NEDD4: variants seen among roughly 807,000 people sequenced by gnomAD.
The protein encoded by NEDD4 is E3 ubiquitin-protein ligase NEDD4.
In NEDD4, 99 loss-of-function variants were observed where a neutral mutation model predicts 144.9. The observed-to-expected ratio is 0.68, with a 90% CI of 0.58 to 0.81. The LOEUF is 0.81. NEDD4 is among the 30% of genes least tolerant of loss of function. NEDD4 has a pLI of 0.00. For missense variants in NEDD4, 985 were observed against 1,065.9 expected, an observed-to-expected ratio of 0.92 and a Z score of 1.06; for synonymous variants, 318 against 350.6, an observed-to-expected ratio of 0.91 and a Z score of 1.04.
chr15:55,922,545 TACAG>T (rs1208011484), intron 5 of NEDD4, among the ~76,000 whole-genome samples: 3 of 152,090 alleles, frequency 2.0e-5, no homozygotes, highest in Admixed American at 1.3e-4. Context: ...GTATTTTTAT[TACAG>T]ACAGAGTTTC....
At chr15:55,908,288 T>TA (rs1157910374) in intron 5 of NEDD4, among the ~76,000 whole-genome samples, 31 of 152,358 alleles carry the variant, frequency 2.0e-4, no homozygotes. Flanking sequence ...AAGATTTGCT[T>TA]AATCCATTCT....
At chr15:55,866,725 G>T (rs2142049679) in intron 8 of NEDD4, among the ~76,000 whole-genome samples, 1 of 152,162 alleles carries the variant, frequency 6.6e-6, no homozygotes, top group South Asian at 2.1e-4. Context: ...GGAAGAGAAA[G>T]AACAAAAATT....
intron 5 of NEDD4, chr15:55,916,972 T>C: frequency 6.4e-6 from 9 of 1,407,494 alleles, no homozygotes; most frequent in Non-Finnish European, 8.3e-6. Flanking sequence ...GTAGTCTTTA[T>C]CCTAAGTAAA....
At chr15:55,893,380 G>A (rs1387353793) in intron 5 of NEDD4, among the ~76,000 whole-genome samples, 4 of 151,900 alleles carry the variant, frequency 2.6e-5, no homozygotes, top group South Asian at 4.2e-4. Context: ...TGTTCAAGCC[G>A]TTATTAATCA....
intron 5 of NEDD4, among the ~76,000 whole-genome samples, chr15:55,897,132 C>A (rs2035764187): frequency 6.6e-6 from 1 of 152,098 alleles, no homozygotes; most frequent in Non-Finnish European, 1.5e-5. Flanking sequence ...CGCCACCATG[C>A]CTGGCTAATT....
intron 11 of NEDD4, among the ~76,000 whole-genome samples, chr15:55,858,884 C>G (rs1360094159): frequency 1.3e-5 from 2 of 152,084 alleles, no homozygotes. Context: ...CAGATGATGT[C>G]GTGTGAAAGC....
rs1308253836 is a variant in NEDD4 at position 55,828,210 on chromosome 15, G to A, written c.*1687C>T. Reference sequence around the variant, plus strand: ...GTCACATTTCAGATTTCTATCAGGTGCTAATGAGTACTCATCATGTTATAC... The same window carrying A: ...GTCACATTTCAGATTTCTATCAGGTACTAATGAGTACTCATCATGTTATAC... On this transcript the variant is annotated 3_prime_UTR_variant, in exon 29 of 29. Transcript: ENST00000435532. The A allele has an allele frequency of 2.0e-5, 3 of 152,138 alleles. No homozygotes were observed. The highest frequency in any genetic ancestry group is 7.2e-5 in the African/African-American group (3 of 41,438). 9.4% of individuals were successfully genotyped at this position (152,138 alleles called of 1,614,324 possible).
In NEDD4 at chr15:55,916,687, T is replaced by C. The variant is rs769606361; in HGVS notation, c.291+7959A>G. 8.1e-6 allele frequency: 13 copies of C among 1,613,960 alleles called. No homozygotes were observed. In the South Asian group the frequency reaches 1.4e-4, roughly 18 times the overall value. ...GCAGTCTGTCTGGGAGTCAGCTTCA[T>C]TTGAACAACGTTAGACGTTGAAATC... On this transcript the variant is annotated intron_variant, in intron 5 of 28. Transcript: ENST00000435532.
chr15:55,947,207 A>G (rs961925054), intron 4 of NEDD4, among the ~76,000 whole-genome samples: 11 of 152,222 alleles, frequency 7.2e-5, no homozygotes, highest in Admixed American at 3.3e-4. Context: ...CAAAAAATCA[A>G]TGAATCCAGG....
chr15:55,916,009 T>C (rs1267613285), intron 5 of NEDD4: 11 of 1,613,306 alleles, frequency 6.8e-6, no homozygotes, highest in Admixed American at 1.7e-5. Flanking sequence ...GGTCGGGTAG[T>C]TGAAGGACTC....
intron 2 of NEDD4, among the ~76,000 whole-genome samples, chr15:55,964,375 T>G (rs570506136): frequency 6.6e-6 from 1 of 152,140 alleles, no homozygotes; most frequent in Non-Finnish European, 1.5e-5. Flanking sequence ...TCTACTGATC[T>G]ATCTTTAAGT....
intron 1 of NEDD4, among the ~76,000 whole-genome samples, chr15:55,969,728 G>A (rs1318361348): frequency 6.6e-6 from 1 of 152,028 alleles, no homozygotes; most frequent in African/African-American, 2.4e-5. Flanking sequence ...GCTGACTAAA[G>A]AGCTCTTGGG....
chr15:55,914,261 GT>G (rs1300492796), intron 5 of NEDD4, among the ~76,000 whole-genome samples: 8 of 151,264 alleles, frequency 5.3e-5, no homozygotes, highest in South Asian at 4.2e-4. Flanking sequence ...ACAGATTAAG[GT>G]TTTTTCCCCC....
At chr15:55,851,598 T>C (rs1350572504) in intron 13 of NEDD4, among the ~76,000 whole-genome samples, 1 of 152,084 alleles carries the variant, frequency 6.6e-6, no homozygotes, top group Non-Finnish European at 1.5e-5. Context: ...TGCCTCAGCC[T>C]CCTAAGTAGA....
chr15:55,901,687 C>T (rs2035918939), intron 5 of NEDD4, among the ~76,000 whole-genome samples: 1 of 152,094 alleles, frequency 6.6e-6, no homozygotes, highest in Non-Finnish European at 1.5e-5. Context: ...TTTCCCATTA[C>T]TTAACTGTTC....
At chr15:55,953,624 T>C (rs559950969) in intron 2 of NEDD4, among the ~76,000 whole-genome samples, 34 of 152,032 alleles carry the variant, frequency 2.2e-4, no homozygotes, top group African/African-American at 8.2e-4. Context: ...GTATTTTTAG[T>C]AGAGACGCGG....
At chr15:55,906,425 A>T (rs1211655061) in intron 5 of NEDD4, among the ~76,000 whole-genome samples, 4 of 152,228 alleles carry the variant, frequency 2.6e-5, no homozygotes, top group Admixed American at 6.5e-5. Flanking sequence ...AGTGTGGCAC[A>T]TATACACCAT....
intron 5 of NEDD4, among the ~76,000 whole-genome samples, chr15:55,905,750 T>A (rs574296245): frequency 6.6e-6 from 1 of 152,274 alleles, no homozygotes; most frequent in East Asian, 1.9e-4. Flanking sequence ...TTTGTTTGAG[T>A]TCTTTGTAGA....
At chr15:55,862,047 A>C (rs186273668) in intron 9 of NEDD4, among the ~76,000 whole-genome samples, 28 of 152,250 alleles carry the variant, frequency 1.8e-4, no homozygotes, top group Non-Finnish European at 3.4e-4. Context: ...AATTCTACAG[A>C]ATTTTATAGT....
Sources: allele counts gnomAD v4.1 joint callset (sites outside exome capture counted in the v4.1 genomes callset), GRCh38; gene constraint gnomAD v4.1.1; transcripts MANE v1.5; gene names NCBI Gene and HGNC (gene_info 2026-07-23, HGNC 2026-07-21).